Variants in NXPE2 observed in about 807,000 individuals in gnomAD.
NXPE2 encodes the protein neurexophilin and PC-esterase domain family member 2.
NXPE2 carries 34 observed loss-of-function variants against 34.4 expected under a neutral mutation model. That is an observed-to-expected ratio of 0.99 (90% CI 0.75 to 1.31). The LOEUF is 1.31. NXPE2 is among the 40% of genes most tolerant of loss of function. The probability of loss-of-function intolerance (pLI) is 0.00; values close to 1 mark genes in which losing one functional copy is unlikely to be tolerated. For missense variants in NXPE2, 649 were observed against 672.5 expected (o/e 0.97, Z 0.39); for synonymous variants, 235 against 231.3 (o/e 1.02, Z -0.15).
the NXPE2 span, among the ~76,000 whole-genome samples, chr11:114,574,159 C>T: frequency 6.6e-6 from 1 of 151,978 alleles, no homozygotes; most frequent in Non-Finnish European, 1.5e-5. Context: ...ATTCTTTGAA[C>T]TGAACCATAA....
At chr11:114,624,304 A>T in the NXPE2 span, among the ~76,000 whole-genome samples, 14 of 152,080 alleles carry the variant, frequency 9.2e-5, no homozygotes, top group African/African-American at 3.4e-4. Flanking sequence ...CCCGGTGGAT[A>T]ATAAGTGTTG....
the NXPE2 span, among the ~76,000 whole-genome samples, chr11:114,777,682 A>G: frequency 6.6e-6 from 1 of 152,152 alleles, no homozygotes; most frequent in Admixed American, 6.5e-5. Context: ...TCCTTCTTCA[A>G]CAACTGTGTA....
chr11:114,564,577 G>A, the NXPE2 span, among the ~76,000 whole-genome samples: 2 of 152,090 alleles, frequency 1.3e-5, no homozygotes, highest in Admixed American at 1.3e-4. Flanking sequence ...ATATGAAAAT[G>A]GTGCAGGAGT....
the NXPE2 span, among the ~76,000 whole-genome samples, chr11:114,640,368 GTTTC>G: frequency 6.7e-6 from 1 of 149,270 alleles, no homozygotes; most frequent in African/African-American, 2.5e-5. Flanking sequence ...ATATGCTACT[GTTTC>G]TTTATCCACT....
At chr11:114,639,464 G>A in the NXPE2 span, among the ~76,000 whole-genome samples, 5 of 151,356 alleles carry the variant, frequency 3.3e-5, no homozygotes, top group South Asian at 2.1e-4. Flanking sequence ...TGCACGCTGC[G>A]CTGCCCCCAC....
At chr11:114,756,604 T>A in the NXPE2 span, among the ~76,000 whole-genome samples, 1 of 152,196 alleles carries the variant, frequency 6.6e-6, no homozygotes, top group African/African-American at 2.4e-5. Flanking sequence ...GATGTCACTA[T>A]AAAGGTATAA....
the NXPE2 span, among the ~76,000 whole-genome samples, chr11:114,533,885 CA>C: frequency 6.6e-6 from 1 of 152,220 alleles, no homozygotes; most frequent in Non-Finnish European, 1.5e-5. Context: ...CAAAAGACAG[CA>C]GTAACCTCTG....
chr11:114,710,898 C>T (rs1249542962), downstream of NXPE2, among the ~76,000 whole-genome samples: 2 of 151,982 alleles, frequency 1.3e-5, no homozygotes, highest in Non-Finnish European at 2.9e-5. Flanking sequence ...TATACCATGA[C>T]CAAATGGCAA....
At chr11:114,670,475 C>G in the NXPE2 span, among the ~76,000 whole-genome samples, 176 of 151,996 alleles carry the variant, frequency 1.2e-3, no homozygotes, top group Non-Finnish European at 1.8e-3. Flanking sequence ...GGTAGGATCC[C>G]TTGAGGCTAG....
chr11:114,608,751 GATA>G, the NXPE2 span, among the ~76,000 whole-genome samples: 2 of 151,546 alleles, frequency 1.3e-5, no homozygotes, highest in African/African-American at 2.4e-5. Context: ...TTACCCAATG[GATA>G]ATAAGTACTG....
the NXPE2 span, among the ~76,000 whole-genome samples, chr11:114,587,618 T>C: frequency 6.6e-6 from 1 of 152,174 alleles, no homozygotes; most frequent in Non-Finnish European, 1.5e-5. Flanking sequence ...CTTGCATCAA[T>C]GGATGGCACC....
chr11:114,692,815 T>G (rs1951178140), intron 2 of NXPE2, among the ~76,000 whole-genome samples: 2 of 152,228 alleles, frequency 1.3e-5, no homozygotes, highest in Admixed American at 1.3e-4. Flanking sequence ...TTTCTTTCTT[T>G]TTTTGTTTTG....
chr11:114,670,136 G>A, the NXPE2 span, among the ~76,000 whole-genome samples: 3 of 151,982 alleles, frequency 2.0e-5, no homozygotes, highest in African/African-American at 7.2e-5. Context: ...TTAGACCATA[G>A]AGCAGTTTAT....
chr11:114,703,653 CATAGATAGATAGATAG>C (rs58702498), intron 3 of NXPE2, among the ~76,000 whole-genome samples: 23 of 102,910 alleles, frequency 2.2e-4, no homozygotes, highest in African/African-American at 7.1e-4. Flanking sequence ...TTAAAATAAG[CATAGATAGATAGATAG>C]ATAGATAGAT....
the NXPE2 span, among the ~76,000 whole-genome samples, chr11:114,507,647 CAT>C: frequency 3.9e-5 from 6 of 152,214 alleles, no homozygotes; most frequent in African/African-American, 1.4e-4. Flanking sequence ...ACAAAAACCA[CAT>C]GATTATCTCA....
the NXPE2 span, among the ~76,000 whole-genome samples, chr11:114,632,728 A>G: frequency 2.2e-4 from 15 of 67,340 alleles, no homozygotes; most frequent in East Asian, 5.7e-3. Context: ...TATATAATAT[A>G]TAATATATAT....
At chr11:114,662,576 G>A in the NXPE2 span, among the ~76,000 whole-genome samples, 3 of 152,148 alleles carry the variant, frequency 2.0e-5, no homozygotes, top group African/African-American at 7.2e-5. Flanking sequence ...GTGGCTAAGG[G>A]AGTGCTGGCA....
At chr11:114,779,771 G>T in the NXPE2 span, among the ~76,000 whole-genome samples, 2 of 152,094 alleles carry the variant, frequency 1.3e-5, no homozygotes, top group Non-Finnish European at 2.9e-5. Context: ...GGACTCGCTC[G>T]CTCAGGGAGA....
the NXPE2 span, among the ~76,000 whole-genome samples, chr11:114,492,439 C>G: frequency 2.0e-5 from 3 of 152,014 alleles, no homozygotes; most frequent in Admixed American, 6.6e-5. Context: ...TATCCAGGTG[C>G]TGAGAAGAAT....
Sources: gnomAD v4.1 joint callset for allele counts (sites outside exome capture counted in the v4.1 genomes callset) on GRCh38, gnomAD v4.1.1 for gene constraint, MANE v1.5 for transcripts, NCBI Gene and HGNC (gene_info 2026-07-23, HGNC 2026-07-21) for gene names.